Variants in DNAJA1 observed in about 807,000 individuals in gnomAD.
DNAJA1 encodes the protein dnaJ homolog subfamily A member 1.
A neutral mutation model predicts 47.6 loss-of-function variants in DNAJA1; 26 were observed. The observed-to-expected ratio is 0.55, with a 90% CI of 0.40 to 0.76. The LOEUF is 0.76. DNAJA1 is among the 30% of genes least tolerant of loss of function. The pLI, the probability that DNAJA1 is intolerant of heterozygous loss-of-function variation, is 0.00. For synonymous variants in DNAJA1, 165 were observed against 158.4 expected, an observed-to-expected ratio of 1.04 and a Z score of -0.31; for missense variants, 315 against 485.0, an observed-to-expected ratio of 0.65 and a Z score of 3.29.
chr9:33,026,763 G>A, intron 2 of DNAJA1, 50 bp from the exon 3 acceptor site: 1 of 1,598,622 alleles, frequency 6.3e-7, no homozygotes, highest in Non-Finnish European at 8.5e-7. Context: ...ATGTAGCTAG[G>A]TAACACTTGT....
Position 33,038,823 on chromosome 9 carries a change from A to C in DNAJA1, c.1114A>C (p.Arg372=), listed in dbSNP as rs750767685. Residue 372 remains arginine (R), a synonymous_variant, in exon 9 of 9, where the codon AGA becomes CGA. Transcript: ENST00000330899. ...GGTGGACTTTGATCCAAATCAGGAA[A>C]GACGGCGCCACTACAATGGAGAAGC... is the stretch of plus-strand genomic sequence containing the variant. The part of the protein sequence containing the change: ...ELVDFDPNQE[R]RRHYNGEAYE... 1 of 1,614,158 alleles carries C rather than the reference A, an allele frequency of 6.2e-7. No homozygotes were observed.
At position 33,029,960 on chromosome 9, in the gene DNAJA1, A is replaced by C. The variant is rs1266460475; in HGVS notation, c.386A>C (p.Gln129Pro). 6.2e-7 allele frequency: 1 copy of C among 1,613,500 alleles called. No individual in the cohort carries two copies. The highest frequency in any genetic ancestry group is 2.2e-5 in the East Asian group (1 of 44,838). ...YNGATRKLALQKNVICDKCEG... is the reference protein window; with the variant it reads ...YNGATRKLALPKNVICDKCEG... ...GGTGCAACAAGAAAACTGGCTCTGC[A>C]AAAGAATGTGATTTGTGACAAATGT... Residue 129 changes from glutamine (Q) to proline (P), a missense_variant, in exon 4 of 9, where the codon CAA (glutamine) becomes CCA (proline). Coordinates refer to ENST00000330899, the MANE Select transcript of DNAJA1 (RefSeq NM_001539.4).
chr9:33,036,579 G>A lies in DNAJA1; in HGVS notation c.764G>A (p.Gly255Glu). The part of the protein sequence containing the change: ...QKDHAVFTRR[G>E]EDLFMCMDIQ... The stretch of plus-strand genomic sequence containing the variant: ...ATGTGTCATATTTTATGCAGACGAG[G>A]AGAAGACCTTTTCATGTGTATGGAC... The change falls in exon 7 of 9, where the codon GGA (glycine) becomes GAA (glutamate). Residue 255 changes from glycine (G) to glutamate (E), a missense_variant. By Grantham distance (98) the Gly-to-Glu change is moderately conservative (BLOSUM62 -2). This residue lies in a region of DNAJA1 where 162 missense variants were observed against 185.4 expected (regional missense o/e 0.87). Coordinates refer to ENST00000330899, the MANE Select transcript of DNAJA1 (RefSeq NM_001539.4). The A allele has an allele frequency of 1.2e-6, 2 of 1,605,502 alleles. No individual in the cohort carries two copies. Among genetic ancestry groups the A allele is most frequent in the Non-Finnish European group, 1.7e-6 (2 of 1,174,768 alleles).
chr9:33,034,071 A>G (rs1488399365), intron 5 of DNAJA1, 145 bp from the exon 6 acceptor site: 7 of 530,350 alleles, frequency 1.3e-5, no homozygotes, highest in Non-Finnish European at 1.9e-5. Context: ...TTTCTTCAGG[A>G]GCAAATTGGA....
intron 1 of DNAJA1, 42 bp from the exon 2 acceptor site, chr9:33,026,433 T>C (rs1441545155): frequency 3.8e-6 from 6 of 1,576,096 alleles, no homozygotes; most frequent in Non-Finnish European, 5.1e-6. Flanking sequence ...TATTAAAAGC[T>C]ACCAGTTGAA....
At position 33,026,839 on chromosome 9, in the gene DNAJA1, A is replaced by G. The variant is rs1838875627; in HGVS notation, c.159A>G (p.Glu53=). 2 of 1,613,802 alleles carry G rather than the reference A, an allele frequency of 1.2e-6. No homozygotes were observed. The highest frequency in any genetic ancestry group is 1.3e-5 in the African/African-American group (1 of 74,890). The change falls in exon 3 of 9, where the codon GAA becomes GAG. Residue 53 remains glutamate, a synonymous_variant. Transcript: ENST00000330899. The part of the protein sequence containing the change: ...EKFKQISQAY[E]VLSDAKKREL... ...TTAAACAGATTTCTCAAGCTTACGA[A>G]GTTCTCTCTGATGCAAAGAAAAGGG...
chr9:33,029,850 T>TA, intron 3 of DNAJA1, 35 bp from the exon 4 acceptor site: 1 of 1,544,454 alleles, frequency 6.5e-7, no homozygotes, highest in Non-Finnish European at 8.8e-7. Context: ...TCCAGCATCT[T>TA]AAACAGATTT....
At chr9:33,036,161 C>G (rs1168026582) in intron 6 of DNAJA1, 1 of 152,506 alleles carries the variant, frequency 6.6e-6, no homozygotes. Context: ...CCAGGCTGGT[C>G]TTGAACTTCA....
chr9:33,030,110 T>C, intron 4 of DNAJA1, 121 bp downstream of exon 4: 3 of 962,006 alleles, frequency 3.1e-6, no homozygotes, highest in Non-Finnish European at 3.0e-6. Context: ...TACCTAGATT[T>C]TGGGGGAGGA....
At chr9:33,035,562 C>G (rs1048064404) in intron 6 of DNAJA1, among the ~76,000 whole-genome samples, 4 of 152,060 alleles carry the variant, frequency 2.6e-5, no homozygotes, top group African/African-American at 9.7e-5. Flanking sequence ...CTCCAACTCC[C>G]AGGTTCAAGC....
Position 33,030,422 on chromosome 9 carries a change from T to C in DNAJA1, c.416-18T>C, listed in dbSNP as rs768035452. The C allele has an allele frequency of 1.9e-5, 31 of 1,598,610 alleles. No individual in the cohort carries two copies. Among genetic ancestry groups the C allele is most frequent in the South Asian group, 4.5e-5 (4 of 89,748 alleles). On this transcript the variant is annotated intron_variant, in intron 4 of 8. Coordinates refer to ENST00000330899, the MANE Select transcript of DNAJA1 (RefSeq NM_001539.4). Reference sequence around the variant, plus strand: ...CACTACTAATTCATACATTATTTAATTTTCTTTTTAAATTTAGGTAGAGGA... The same window carrying C: ...CACTACTAATTCATACATTATTTAACTTTCTTTTTAAATTTAGGTAGAGGA...
intron 1 of DNAJA1, among the ~76,000 whole-genome samples, chr9:33,025,703 G>A (rs370585279): frequency 2.0e-5 from 3 of 152,160 alleles, no homozygotes; most frequent in Non-Finnish European, 2.9e-5. Context: ...CGGGGTGGGG[G>A]GGGGGAGTGG....
chr9:33,026,368 G>T (rs1193906146), intron 1 of DNAJA1, 107 bp from the exon 2 acceptor site: 1 of 1,177,572 alleles, frequency 8.5e-7, no homozygotes, highest in African/African-American at 1.6e-5. Context: ...TAGGGAAGGT[G>T]GTGTTCTTAT....
At chr9:33,037,483 G>C (rs925419847) in intron 8 of DNAJA1, among the ~76,000 whole-genome samples, 1 of 151,918 alleles carries the variant, frequency 6.6e-6, no homozygotes, top group Admixed American at 6.6e-5. Context: ...GGAGTTAAAG[G>C]CCAGCCTGGG....
chr9:33,033,501 C>G (rs1268047843), intron 5 of DNAJA1, among the ~76,000 whole-genome samples: 9 of 151,700 alleles, frequency 5.9e-5, no homozygotes, highest in South Asian at 2.1e-4. Flanking sequence ...AGTTCAAGAC[C>G]AGCCTGAGCG....
chr9:33,030,728 T>C, intron 5 of DNAJA1, 61 bp downstream of exon 5: 1 of 1,348,296 alleles, frequency 7.4e-7, no homozygotes, highest in South Asian at 1.3e-5. Flanking sequence ...TTATTAACAT[T>C]TTATAATTGT....
At chr9:33,034,397 T>C (rs2119391356) in intron 6 of DNAJA1, 67 bp downstream of exon 6, 3 of 1,247,808 alleles carry the variant, frequency 2.4e-6, no homozygotes, top group East Asian at 2.4e-5. Flanking sequence ...GTTTTTTGTT[T>C]TTTTGTTTTT....
chr9:33,033,441 C>G (rs1219797363), intron 5 of DNAJA1, among the ~76,000 whole-genome samples: 1 of 151,856 alleles, frequency 6.6e-6, no homozygotes, highest in Non-Finnish European at 1.5e-5. Flanking sequence ...GGGCTCAGGT[C>G]TGTAATCCGA....
Position 33,030,443 on chromosome 9 carries a change from G to T in DNAJA1, c.419G>T (p.Arg140Ile). ...TTAATTTTCTTTTTAAATTTAGGTA[G>T]AGGAGGTAAGAAAGGAGCAGTAGAG... ...KNVICDKCEG[R>I]GGKKGAVECC... Residue 140 changes from arginine (R) to isoleucine (I), a missense_variant, in exon 5 of 9, where the codon AGA (arginine) becomes ATA (isoleucine). Physicochemically the swap from Arg to Ile is moderately conservative, Grantham distance 97 (BLOSUM62 -3). Coordinates refer to ENST00000330899, the MANE Select transcript of DNAJA1 (RefSeq NM_001539.4). 4 of 1,611,508 alleles carry T rather than the reference G, an allele frequency of 2.5e-6. No individual in the cohort carries two copies. The highest frequency in any genetic ancestry group is 3.4e-6 in the Non-Finnish European group (4 of 1,179,298).
Sources: gnomAD v4.1 joint callset for allele counts (sites outside exome capture counted in the v4.1 genomes callset) on GRCh38, gnomAD v4.1.1 for gene constraint, gnomAD v4.1.1 regional missense constraint, MANE v1.5 for transcripts, NCBI Gene and HGNC (gene_info 2026-07-23, HGNC 2026-07-21) for gene names.